Variants in PYHIN1 observed in about 807,000 individuals in gnomAD.
PYHIN1 encodes the protein pyrin and HIN domain family member 1.
Under a neutral mutation model 43.7 loss-of-function variants are expected in PYHIN1, and 32 were observed. That is an observed-to-expected ratio of 0.73 (90% CI 0.55 to 0.98). The LOEUF (loss-of-function observed/expected upper bound fraction) is 0.98. PYHIN1 is among the 50% of genes least tolerant of loss of function. The probability of loss-of-function intolerance (pLI) is 0.00; values close to 1 mark genes in which losing one functional copy is unlikely to be tolerated. For synonymous variants in PYHIN1, 205 were observed against 203.1 expected (o/e 1.01, Z -0.08); for missense variants, 588 against 589.5 (o/e 1.00, Z 0.03).
At chr1:158,957,450 G>C (rs1027022794) in intron 7 of PYHIN1, among the ~76,000 whole-genome samples, 1 of 151,668 alleles carries the variant, frequency 6.6e-6, no homozygotes, top group East Asian at 1.9e-4. Flanking sequence ...AAATAATGCC[G>C]CATATCTACA....
intron 7 of PYHIN1, among the ~76,000 whole-genome samples, chr1:158,948,499 G>C (rs1649345430): frequency 6.6e-6 from 1 of 152,226 alleles, no homozygotes; most frequent in Non-Finnish European, 1.5e-5. Flanking sequence ...TGGAATGCCA[G>C]TGCGTCTTGT....
Position 158,937,144 on chromosome 1 carries a change from T to G in PYHIN1, c.234T>G (p.Leu78=), listed in dbSNP as rs1382444186. ...AAGAAATACCAACACTGGGAGACCTTGCTGAAACTCTTAAAAGAGAAAAGT... is the reference window on the plus strand; with the variant it reads ...AAGAAATACCAACACTGGGAGACCTGGCTGAAACTCTTAAAAGAGAAAAGT... ...FFKEIPTLGD[L]AETLKREKLK... The change falls in exon 2 of 9, where the codon CTT becomes CTG. Residue 78 remains leucine, a synonymous_variant. Coordinates refer to ENST00000368140, the MANE Select transcript of PYHIN1 (RefSeq NM_152501.5). 6.2e-7 allele frequency: 1 copy of G among 1,600,744 alleles called. No individual in the cohort carries two copies. The highest frequency in any genetic ancestry group is 1.4e-5 in the African/African-American group (1 of 73,958).
At position 158,976,922 on chromosome 1, in the gene PYHIN1, TATTA is replaced by T. The variant is rs1651310758; in HGVS notation, c.*231_*234del. The T allele has an allele frequency of 8.7e-6, 2 of 229,684 alleles. No homozygotes were observed. The highest frequency in any genetic ancestry group is 5.2e-5 in the African/African-American group (2 of 38,778). The allele number at this position is 229,684 out of a possible 1,614,324, so 14.2% of individuals were successfully genotyped here. On this transcript the variant is annotated 3_prime_UTR_variant, in exon 9 of 9. Transcript: ENST00000368140. ...TATATATATATATATATATACCAGC[TATTA>T]ATTCTAGGAAATGGAGTATTAAGGG...
intron 2 of PYHIN1, among the ~76,000 whole-genome samples, chr1:158,937,685 G>A (rs368848887): frequency 1.0e-3 from 152 of 152,264 alleles, no homozygotes; most frequent in African/African-American, 3.3e-3. Context: ...TGTTGCTCAC[G>A]TCTGTAATCC....
chr1:158,961,837 G>A (rs770999259), intron 7 of PYHIN1, among the ~76,000 whole-genome samples: 1 of 152,174 alleles, frequency 6.6e-6, no homozygotes, highest in Non-Finnish European at 1.5e-5. Flanking sequence ...ATTAGCGGCT[G>A]CAGCTCTGGC....
rs780923953 is a variant in PYHIN1, at chr1:158,973,755, G to C, written c.1468G>C (p.Ala490Pro). 4 of 1,612,886 alleles carry C rather than the reference G, an allele frequency of 2.5e-6. No homozygotes were observed. In the South Asian group the frequency reaches 4.4e-5, roughly 18 times the overall value. The stretch of plus-strand genomic sequence containing the variant: ...TGACACTTCCACCAACCGCCATCCA[G>C]CAGTTCCTTAAATAAGGTACCACCT... The part of the protein sequence containing the change: ...SSDTSTNRHP[A>P]VP Residue 490 changes from alanine to proline, a missense_variant, in exon 8 of 9, where the codon GCA (alanine) becomes CCA (proline). Physicochemically the swap from Ala to Pro is conservative, Grantham distance 27 (BLOSUM62 -1). Transcript: ENST00000368140.
intron 4 of PYHIN1, 82 bp from the exon 5 acceptor site, chr1:158,941,895 T>A: frequency 7.5e-7 from 1 of 1,339,998 alleles, no homozygotes; most frequent in Non-Finnish European, 1.0e-6. Context: ...GGCCCAATGT[T>A]GTGCCTTGAG....
At chr1:158,938,994 C>G (rs1648730786) in intron 3 of PYHIN1, 86 bp from the exon 4 acceptor site, 5 of 1,023,618 alleles carry the variant, frequency 4.9e-6, no homozygotes. Context: ...AATTTATATA[C>G]AATAAATATA....
rs199956697 is a variant in PYHIN1, at chr1:158,939,215, T to C, written c.547T>C (p.Ser183Pro). ...MGRSPPPQTS[S>P]SAPPNTSSTE... ...CCGTTCCCCACCTCCCCAGACCTCATCATCAGCTCCACCCAACACTTCCTC... is the reference window on the plus strand; with the variant it reads ...CCGTTCCCCACCTCCCCAGACCTCACCATCAGCTCCACCCAACACTTCCTC... The change falls in exon 4 of 9, where the codon TCA becomes CCA. Residue 183 changes from serine (S) to proline (P), a missense_variant. Coordinates refer to ENST00000368140, the MANE Select transcript of PYHIN1 (RefSeq NM_152501.5). The C allele has an allele frequency of 4.9e-5, 79 of 1,608,652 alleles. No homozygotes were observed. The highest frequency in any genetic ancestry group is 3.2e-4 in the Admixed American group (19 of 58,700).
the PYHIN1 span, among the ~76,000 whole-genome samples, chr1:158,984,646 C>G: frequency 6.6e-6 from 1 of 152,120 alleles, no homozygotes; most frequent in Non-Finnish European, 1.5e-5. Context: ...TGGAATGTTC[C>G]TTATATGTCT....
At chr1:158,974,435 A>G (rs1651131240) in intron 8 of PYHIN1, among the ~76,000 whole-genome samples, 1 of 152,076 alleles carries the variant, frequency 6.6e-6, no homozygotes, top group Non-Finnish European at 1.5e-5. Flanking sequence ...TCTTGTCCAG[A>G]GAACATCAGA....
At chr1:158,967,767 T>G (rs1312921490) in intron 7 of PYHIN1, among the ~76,000 whole-genome samples, 1 of 151,916 alleles carries the variant, frequency 6.6e-6, no homozygotes, top group East Asian at 1.9e-4. Context: ...TGAAACAGAA[T>G]AGACAGCCCA....
chr1:158,972,524 A>C (rs1452617487), intron 7 of PYHIN1, among the ~76,000 whole-genome samples: 1 of 152,080 alleles, frequency 6.6e-6, no homozygotes, highest in Non-Finnish European at 1.5e-5. Context: ...ATATAGAGAA[A>C]GAGTGGAGGA....
At chr1:158,966,626 A>T (rs1377951462) in intron 7 of PYHIN1, among the ~76,000 whole-genome samples, 2 of 152,144 alleles carry the variant, frequency 1.3e-5, no homozygotes, top group Non-Finnish European at 2.9e-5. Context: ...AATCATCTCA[A>T]TCGATGCAGA....
chr1:158,938,272 A>G (rs1648683777), intron 2 of PYHIN1, 125 bp from the exon 3 acceptor site: 2 of 1,024,184 alleles, frequency 2.0e-6, no homozygotes, highest in Non-Finnish European at 2.9e-6. Flanking sequence ...GGCTAATGCA[A>G]TAGAGATAGA....
intron 2 of PYHIN1, among the ~76,000 whole-genome samples, chr1:158,937,580 A>T (rs1001432694): frequency 1.3e-5 from 2 of 152,236 alleles, no homozygotes; most frequent in African/African-American, 4.8e-5. Flanking sequence ...AAAGATAACA[A>T]TACTTAAATG....
chr1:158,935,707 A>G (rs1240464935), intron 1 of PYHIN1, among the ~76,000 whole-genome samples: 2 of 152,142 alleles, frequency 1.3e-5, no homozygotes, highest in African/African-American at 4.8e-5. Context: ...AGTTATTCAT[A>G]TAAGGTGGGA....
In PYHIN1 at chr1:158,973,707, A is replaced by G. The variant is rs928109326; in HGVS notation, c.1420A>G (p.Thr474Ala). The change falls in exon 8 of 9, where the codon ACT becomes GCT. Residue 474 changes from threonine to alanine, a missense_variant. Transcript: ENST00000368140. ...SPANFRITSP[T>A]VAPPLSSDTS... ...TGCAAACTTTAGAATCACCTCACCA[A>G]CTGTGGCCCCTCCTCTTTCTTCTGA... 3.1e-6 allele frequency: 5 copies of G among 1,612,962 alleles called. No individual in the cohort carries two copies. The highest frequency in any genetic ancestry group is 2.7e-5 in the African/African-American group (2 of 74,790).
chr1:158,969,773 G>A (rs1207589701), intron 7 of PYHIN1, among the ~76,000 whole-genome samples: 1 of 151,926 alleles, frequency 6.6e-6, no homozygotes, highest in African/African-American at 2.4e-5. Context: ...ACAAAATGGA[G>A]TGACAGTTTC....
Sources: allele counts gnomAD v4.1 joint callset (sites outside exome capture counted in the v4.1 genomes callset), GRCh38; gene constraint gnomAD v4.1.1; transcripts MANE v1.5; gene names NCBI Gene and HGNC (gene_info 2026-07-23, HGNC 2026-07-21).